C1QTNF2: variants seen among roughly 807,000 people sequenced by gnomAD.
C1QTNF2 encodes C1q and TNF related 2.
C1QTNF2 carries 15 observed loss-of-function variants against 17.4 expected under a neutral mutation model. The ratio of observed to expected loss-of-function variants is 0.86; its 90% CI spans 0.58 to 1.33. The LOEUF is 1.33. C1QTNF2 is among the 40% of genes most tolerant of loss of function. The pLI, the probability that C1QTNF2 is intolerant of heterozygous loss-of-function variation, is 0.00. For synonymous variants in C1QTNF2, 154 were observed against 163.3 expected (o/e 0.94, Z 0.44); for missense variants, 381 against 392.3 (o/e 0.97, Z 0.24).
chr5:160,370,425 G>C, intron 1 of C1QTNF2, 87 bp downstream of exon 1: 1 of 1,348,718 alleles, frequency 7.4e-7, no homozygotes. Flanking sequence ...TCCGCATCCC[G>C]CCCCGCCCGC....
chr5:160,362,871 G>T (rs570710088), intron 1 of C1QTNF2, among the ~76,000 whole-genome samples: 4 of 152,276 alleles, frequency 2.6e-5, no homozygotes, highest in African/African-American at 9.6e-5. Context: ...ATTAACATTT[G>T]CCCAGTCTGC....
At chr5:160,364,282 G>A (rs1326932398) in intron 1 of C1QTNF2, among the ~76,000 whole-genome samples, 1 of 152,178 alleles carries the variant, frequency 6.6e-6, no homozygotes, top group Non-Finnish European at 1.5e-5. Flanking sequence ...ATAGCTGTGT[G>A]AGTTCAGATG....
At chr5:160,352,653 G>A (rs1486019315) in intron 2 of C1QTNF2, among the ~76,000 whole-genome samples, 1 of 152,198 alleles carries the variant, frequency 6.6e-6, no homozygotes, top group East Asian at 1.9e-4. Flanking sequence ...AACTCTAGCT[G>A]GCCTGCTTGG....
chr5:160,362,614 G>A (rs760373386), intron 1 of C1QTNF2, among the ~76,000 whole-genome samples: 10 of 152,114 alleles, frequency 6.6e-5, no homozygotes, highest in Non-Finnish European at 1.5e-4. Flanking sequence ...GGTCCCACTG[G>A]CGTTTGAGGA....
In C1QTNF2 at chr5:160,350,671, C is replaced by T. The variant is rs532653418; in HGVS notation, c.245-890G>A. The stretch of plus-strand genomic sequence containing the variant: ...GAGCTATGATTGTGTCACTGCATTC[C>T]AGCCTGGGCAACAGAGTAAGACCTT... On this transcript the variant is annotated intron_variant, in intron 2 of 2. Transcript: ENST00000652664. Among the ~76,000 whole-genome samples, 9 of 152,236 alleles carry T rather than the reference C, an allele frequency of 5.9e-5. No homozygotes were observed. In the South Asian group the frequency reaches 1.7e-3, roughly 28 times the overall value.
At chr5:160,356,594 A>G (rs114150822) in intron 1 of C1QTNF2, among the ~76,000 whole-genome samples, 4,316 of 152,170 alleles carry the variant, frequency 0.028, 110 homozygotes, top group Non-Finnish European at 0.047. Flanking sequence ...TCAGACTTCA[A>G]TCTGTTCTCT....
chr5:160,354,744 G>A (rs1485543656), intron 2 of C1QTNF2, 24 bp downstream of exon 2: 9 of 1,613,258 alleles, frequency 5.6e-6, no homozygotes, highest in Admixed American at 1.7e-5. Context: ...GTGGGAACGA[G>A]AGTGGCACGT....
Position 160,349,630 on chromosome 5 carries a change from C to CT in C1QTNF2, c.395dup (p.Glu134GlyfsTer37), listed in dbSNP as rs1561820629. On this transcript the variant is annotated frameshift_variant, in exon 3 of 3. Coordinates refer to ENST00000652664, the MANE Select transcript of C1QTNF2 (RefSeq NM_031908.6). LOFTEE classifies it high-confidence loss of function. The surrounding 1 kb of genome is among the most constrained non-coding windows in gnomAD (Gnocchi z 4.3). ...AGGGGCCTGGGAGGCCTGGCTCCCC[C>CT]TTCTTGCCCTTGGGCCCCTTCTTGC... 1 of 1,613,446 alleles carries CT rather than the reference C, an allele frequency of 6.2e-7. No individual in the cohort carries two copies. The highest frequency in any genetic ancestry group is 1.7e-5 in the Admixed American group (1 of 59,976).
chr5:160,354,855 G>A lies in C1QTNF2; in HGVS notation c.157C>T (p.Pro53Ser), dbSNP rs761140999. The change falls in exon 2 of 3, where the codon CCC becomes TCC. Residue 53 changes from proline to serine, a missense_variant. By Grantham distance (74) the Pro-to-Ser change is moderately conservative. Transcript: ENST00000652664. ...CCCATTCGTCCCATCATTCCTGAGG[G>A]CCCTGGGGCTCCTGGGGGGCCGGGT... ...GPPGPPGAPG[P>S]SGMMGRMGFP... is the part of the protein sequence containing the mutation. 1.2e-6 allele frequency: 2 copies of A among 1,611,422 alleles called. No homozygotes were observed. The highest frequency in any genetic ancestry group is 1.7e-6 in the Non-Finnish European group (2 of 1,179,146).
chr5:160,357,467 GC>G (rs1347757301), intron 1 of C1QTNF2, among the ~76,000 whole-genome samples: 1 of 152,184 alleles, frequency 6.6e-6, no homozygotes, highest in Non-Finnish European at 1.5e-5. Context: ...AATGACAGGT[GC>G]TTTTGGAAAA....
intron 2 of C1QTNF2, among the ~76,000 whole-genome samples, chr5:160,350,305 A>G (rs909174243): frequency 1.6e-4 from 24 of 152,166 alleles, no homozygotes; most frequent in Non-Finnish European, 2.9e-5. Flanking sequence ...TATACTGTGG[A>G]TTTCTATGCA....
Position 160,349,480 on chromosome 5 carries a change from A to G in C1QTNF2, c.546T>C (p.Ala182=), listed in dbSNP as rs1335812528. ...ILMNEGGHYN[A]SSGKFVCGVP... ...CGCCGCAGACGAACTTGCCGCTGGA[A>G]GCATTGTAGTGGCCACCCTCGTTCA... Residue 182 remains alanine, a synonymous_variant, in exon 3 of 3, where the codon GCT becomes GCC. Coordinates refer to ENST00000652664, the MANE Select transcript of C1QTNF2 (RefSeq NM_031908.6). The surrounding 1 kb of genome is among the most constrained non-coding windows in gnomAD (Gnocchi z 4.3). The G allele has an allele frequency of 6.2e-7, 1 of 1,614,006 alleles. No individual in the cohort carries two copies. Among genetic ancestry groups the G allele is most frequent in the South Asian group, 1.1e-5 (1 of 91,080 alleles).
At chr5:160,360,021 G>A (rs1263769869) in intron 1 of C1QTNF2, among the ~76,000 whole-genome samples, 2 of 149,620 alleles carry the variant, frequency 1.3e-5, no homozygotes, top group East Asian at 2.0e-4. Flanking sequence ...GTAACCTCAC[G>A]GCTCCACCCT....
intron 1 of C1QTNF2, among the ~76,000 whole-genome samples, chr5:160,365,712 TTGTC>T (rs1190578156): frequency 1.3e-5 from 2 of 152,218 alleles, no homozygotes; most frequent in African/African-American, 4.8e-5. Context: ...CTCAGTTTCT[TTGTC>T]TGTAAAATGA....
chr5:160,349,741 T>C lies in C1QTNF2; in HGVS notation c.285A>G (p.Pro95=). 6.5e-7 allele frequency: 1 copy of C among 1,542,526 alleles called. No individual in the cohort carries two copies. Among genetic ancestry groups the C allele is most frequent in the Non-Finnish European group, 8.7e-7 (1 of 1,153,662 alleles). Residue 95 remains proline (P), a synonymous_variant, in exon 3 of 3, where the codon CCA becomes CCG. Coordinates refer to ENST00000652664, the MANE Select transcript of C1QTNF2 (RefSeq NM_031908.6). This position sits in a 1 kb window ranked among gnomAD's most constrained non-coding sequence, Gnocchi z 4.3. ...GCCCAATGGCCCCGGCTTTGCCCTT[T>C]GGTCCTGGCTTTCCCCGGTTACCTG... The part of the protein sequence containing the change: ...GRTGNRGKPG[P]KGKAGAIGRA...
At position 160,349,224 on chromosome 5, in the gene C1QTNF2, T is replaced by C; in HGVS notation, c.802A>G (p.Ser268Gly). 6.2e-7 allele frequency: 1 copy of C among 1,614,110 alleles called. No homozygotes were observed. The highest frequency in any genetic ancestry group is 8.5e-7 in the Non-Finnish European group (1 of 1,180,008). ...GLFYDPYWTDSLFTGFLIYAD... is the reference protein window; with the variant it reads ...GLFYDPYWTDGLFTGFLIYAD... Reference sequence around the variant, plus strand: ...TAGATTAGGAAGCCCGTAAAGAGGCTGTCTGTCCAGTAAGGGTCATAGAAG... The same window carrying C: ...TAGATTAGGAAGCCCGTAAAGAGGCCGTCTGTCCAGTAAGGGTCATAGAAG... Residue 268 changes from serine (S) to glycine (G), a missense_variant, in exon 3 of 3, where the codon AGC becomes GGC. Coordinates refer to ENST00000652664, the MANE Select transcript of C1QTNF2 (RefSeq NM_031908.6). This position sits in a 1 kb window ranked among gnomAD's most constrained non-coding sequence, Gnocchi z 4.3.
At chr5:160,353,542 G>C (rs748508367) in intron 2 of C1QTNF2, among the ~76,000 whole-genome samples, 85 of 152,174 alleles carry the variant, frequency 5.6e-4, no homozygotes, top group Non-Finnish European at 1.0e-3. Flanking sequence ...TGCAAATGGA[G>C]GCACCTCACC....
rs1278523097 is a variant in C1QTNF2, at chr5:160,354,601, T to A, written c.244+167A>T. Among the ~76,000 whole-genome samples the A allele has an allele frequency of 7.4e-3, 128 of 17,352 alleles. 5 individuals are homozygous for A. Among genetic ancestry groups the A allele is most frequent in the African/African-American group, 0.021 (124 of 5,936 alleles). The allele number at this position is 17,352 out of a possible 152,430, so 11.4% of individuals were successfully genotyped here. On this transcript the variant is annotated intron_variant, in intron 2 of 2. Transcript: ENST00000652664. ...CTCAAGGGGAAAAAAAAAAAAAGTATATATATATATATATATATATATATA... is the reference window on the plus strand; with the variant it reads ...CTCAAGGGGAAAAAAAAAAAAAGTAAATATATATATATATATATATATATA...
intron 1 of C1QTNF2, among the ~76,000 whole-genome samples, chr5:160,361,075 G>A (rs919897463): frequency 6.6e-6 from 1 of 152,222 alleles, no homozygotes; most frequent in Non-Finnish European, 1.5e-5. Flanking sequence ...ACAGGTGTGA[G>A]CCACTGTAGC....
Sources: allele counts gnomAD v4.1 joint callset (sites outside exome capture counted in the v4.1 genomes callset), GRCh38; gene constraint gnomAD v4.1.1; non-coding constraint Gnocchi (gnomAD v3.1); transcripts MANE v1.5; gene names NCBI Gene and HGNC (gene_info 2026-07-23, HGNC 2026-07-21).